The following PACRG variants were observed in gnomAD, a reference collection of about 807,000 sequenced individuals.
PACRG encodes the protein parkin coregulated gene protein.
Under a neutral mutation model 29.7 loss-of-function variants are expected in PACRG, and 29 were observed. That is an observed-to-expected ratio of 0.98 (90% CI 0.73 to 1.33). The LOEUF (loss-of-function observed/expected upper bound fraction) is 1.33, where lower values mean the gene tolerates loss of function less well. Among genes scored for constraint, PACRG ranks in the 40% most tolerant of loss-of-function variants. The pLI is 0.00. For synonymous variants in PACRG, 116 were observed against 118.7 expected (o/e 0.98, Z 0.15); for missense variants, 279 against 316.2 (o/e 0.88, Z 0.89).
chr6:163,022,865 T>A (rs2128221746), intron 2 of PACRG, among the ~76,000 whole-genome samples: 1 of 152,358 alleles, frequency 6.6e-6, no homozygotes, highest in East Asian at 1.9e-4. Context: ...GAGATTTCCA[T>A]CCTATTAAGA....
At chr6:162,965,002 G>T (rs533445399) in intron 2 of PACRG, among the ~76,000 whole-genome samples, 1 of 152,156 alleles carries the variant, frequency 6.6e-6, no homozygotes. Context: ...ATTGGAACTC[G>T]CTGAGCTGTT....
chr6:162,996,419 A>T (rs1026703775), intron 2 of PACRG, among the ~76,000 whole-genome samples: 3 of 152,112 alleles, frequency 2.0e-5, no homozygotes, highest in Non-Finnish European at 4.4e-5. Context: ...TTCAAATCAA[A>T]TATAGAAAAT....
chr6:162,852,645 GA>G (rs1373463736), intron 2 of PACRG, among the ~76,000 whole-genome samples: 1 of 152,158 alleles, frequency 6.6e-6, no homozygotes, highest in Non-Finnish European at 1.5e-5. Flanking sequence ...ACATGTGGCT[GA>G]ATACTAATTT....
At chr6:163,157,837 T>C (rs937899685) in intron 4 of PACRG, among the ~76,000 whole-genome samples, 2 of 152,188 alleles carry the variant, frequency 1.3e-5, no homozygotes, top group Admixed American at 1.3e-4. Flanking sequence ...CTTTCTTGAG[T>C]GTTCAATAAC....
chr6:163,298,309 C>A (rs1784861482), intron 4 of PACRG, among the ~76,000 whole-genome samples: 1 of 151,366 alleles, frequency 6.6e-6, no homozygotes, highest in Non-Finnish European at 1.5e-5. Flanking sequence ...GTTAACCCTC[C>A]TTAGTAATTA....
chr6:163,272,915 G>A (rs546097751), intron 4 of PACRG, among the ~76,000 whole-genome samples: 5 of 49,236 alleles, frequency 1.0e-4, no homozygotes, highest in Admixed American at 4.2e-4. Flanking sequence ...TTTTTGAGAC[G>A]GAGTCTTGCT....
intron 4 of PACRG, among the ~76,000 whole-genome samples, chr6:163,096,379 AC>A (rs2128308635): frequency 6.6e-6 from 1 of 152,280 alleles, no homozygotes; most frequent in African/African-American, 2.4e-5. Flanking sequence ...AGGGGTTTGT[AC>A]CAATAAATGT....
At chr6:163,163,262 T>G (rs1778636632) in intron 4 of PACRG, among the ~76,000 whole-genome samples, 1 of 152,112 alleles carries the variant, frequency 6.6e-6, no homozygotes, top group Non-Finnish European at 1.5e-5. Flanking sequence ...TTTTTGTTGT[T>G]TTTTGTTGTT....
At chr6:163,006,606 T>C (rs1805141279) in intron 2 of PACRG, among the ~76,000 whole-genome samples, 1 of 151,934 alleles carries the variant, frequency 6.6e-6, no homozygotes, top group Non-Finnish European at 1.5e-5. Flanking sequence ...TTTCTTCATA[T>C]ATTTTGGAGC....
At position 163,269,930 on chromosome 6, in the gene PACRG, A is replaced by G. The variant is rs55951524; in HGVS notation, c.614-44897A>G. Among the ~76,000 whole-genome samples, 201 of 25,618 alleles carry G rather than the reference A, an allele frequency of 7.8e-3. 1 individual carries two copies. Among genetic ancestry groups the G allele is most frequent in the East Asian group, 0.022 (12 of 558 alleles). 16.8% of individuals were successfully genotyped at this position (25,618 alleles called of 152,430 possible). ...AGAAAGAAAGAAAGAAAGAAAGAAA[A>G]CAAAGAAAGAAAGAAAGAAAGAAAG... is the stretch of plus-strand genomic sequence containing the variant. On this transcript the variant is annotated intron_variant, in intron 4 of 4. Transcript: ENST00000366888.
At chr6:163,197,759 A>T (rs992881828) in intron 4 of PACRG, among the ~76,000 whole-genome samples, 13 of 151,978 alleles carry the variant, frequency 8.6e-5, no homozygotes, top group African/African-American at 2.9e-4. Flanking sequence ...GCTATTTTCT[A>T]TTCTTATGTT....
intron 1 of PACRG, among the ~76,000 whole-genome samples, chr6:162,732,637 C>A (rs992262648): frequency 5.3e-5 from 8 of 152,184 alleles, no homozygotes; most frequent in Non-Finnish European, 1.2e-4. Flanking sequence ...ACAGATGTCT[C>A]TGGCAGAGAA....
chr6:163,191,438 C>T (rs1203853930), intron 4 of PACRG, among the ~76,000 whole-genome samples: 1 of 152,202 alleles, frequency 6.6e-6, no homozygotes, highest in Non-Finnish European at 1.5e-5. Context: ...GGCCTTTCCC[C>T]TTCACTGCTA....
At chr6:162,761,956 A>C (rs867760380) in intron 1 of PACRG, among the ~76,000 whole-genome samples, 119 of 109,102 alleles carry the variant, frequency 1.1e-3, no homozygotes, top group East Asian at 2.3e-3. Flanking sequence ...AAAAAAAGAA[A>C]CCCCCCCCCA....
At chr6:163,303,159 C>T (rs1267485912) in intron 4 of PACRG, among the ~76,000 whole-genome samples, 4 of 152,012 alleles carry the variant, frequency 2.6e-5, no homozygotes, top group African/African-American at 4.8e-5. Context: ...GGCAAAACCC[C>T]ATCTCTACAA....
At chr6:162,876,326 T>A (rs1023005705) in intron 2 of PACRG, among the ~76,000 whole-genome samples, 3 of 152,228 alleles carry the variant, frequency 2.0e-5, no homozygotes, top group African/African-American at 7.2e-5. Context: ...CTTCCTGCTG[T>A]CCTCTAATAA....
chr6:163,157,988 G>A (rs975205937), intron 4 of PACRG, among the ~76,000 whole-genome samples: 1 of 152,140 alleles, frequency 6.6e-6, no homozygotes, highest in Non-Finnish European at 1.5e-5. Context: ...AATGATCTAC[G>A]GTTCTTGGAA....
chr6:162,855,159 G>A (rs1236000772), intron 2 of PACRG, among the ~76,000 whole-genome samples: 1 of 152,184 alleles, frequency 6.6e-6, no homozygotes, highest in Non-Finnish European at 1.5e-5. Context: ...TCTCAGACTC[G>A]GCGTAAGCTG....
chr6:162,898,721 G>C (rs914164986), intron 2 of PACRG, among the ~76,000 whole-genome samples: 1 of 152,188 alleles, frequency 6.6e-6, no homozygotes, highest in Non-Finnish European at 1.5e-5. Context: ...GACTTAAAGA[G>C]TGTCTGTCAC....
Sources: allele counts gnomAD v4.1 joint callset (sites outside exome capture counted in the v4.1 genomes callset), GRCh38; gene constraint gnomAD v4.1.1; transcripts MANE v1.5; gene names NCBI Gene and HGNC (gene_info 2026-07-23, HGNC 2026-07-21).